ZNF623: variants seen among roughly 807,000 people sequenced by gnomAD.
The protein encoded by ZNF623 is zinc finger protein 623.
Under a neutral mutation model 24.0 loss-of-function variants are expected in ZNF623, and 16 were observed. The observed-to-expected ratio is 0.67, with a 90% CI of 0.45 to 1.01. The LOEUF (loss-of-function observed/expected upper bound fraction) is 1.01, where lower values mean the gene tolerates loss of function less well. Among genes scored for constraint, ZNF623 ranks in the 50% least tolerant of loss-of-function variants. The probability of loss-of-function intolerance (pLI) is 0.00; values close to 1 mark genes in which losing one functional copy is unlikely to be tolerated. For missense variants in ZNF623, 566 were observed against 606.5 expected (o/e 0.93, Z 0.70); for synonymous variants, 224 against 219.8 (o/e 1.02, Z -0.17).
At chr8:143,649,044 G>T (rs9650468) in intron 1 of ZNF623, among the ~76,000 whole-genome samples, 72,648 of 151,780 alleles carry the variant, frequency 0.48, 21,434 homozygotes, top group Non-Finnish European at 0.66. Flanking sequence ...TTGGGAGGCC[G>T]AGGCGGGCAG....
chr8:143,645,848 A>G (rs7821027), intron 1 of ZNF623, among the ~76,000 whole-genome samples: 78,640 of 151,922 alleles, frequency 0.52, 24,234 homozygotes, highest in East Asian at 0.84. Flanking sequence ...AGCTACCCAG[A>G]ACCGTGCATT....
At chr8:143,648,206 C>A (rs1815215364) in intron 1 of ZNF623, among the ~76,000 whole-genome samples, 1 of 152,154 alleles carries the variant, frequency 6.6e-6, no homozygotes, top group African/African-American at 2.4e-5. Context: ...GGGCTGAGCC[C>A]TAGACACGCC....
rs917569860 is a variant in ZNF623, at chr8:143,653,047, G to C, written c.*1564G>C. On this transcript the variant is annotated 3_prime_UTR_variant, in exon 2 of 2. Coordinates refer to ENST00000526926, the MANE Select transcript of ZNF623 (RefSeq NM_001261843.2). Reference sequence around the variant, plus strand: ...GCCTTACAGAAGAGGTGACATTTCAGCTGGGCCAGAGATCAGTAGAGAGCA... The same window carrying C: ...GCCTTACAGAAGAGGTGACATTTCACCTGGGCCAGAGATCAGTAGAGAGCA... The C allele has an allele frequency of 1.8e-5, 3 of 167,220 alleles. No homozygotes were observed. Among genetic ancestry groups the C allele is most frequent in the Non-Finnish European group, 4.4e-5 (3 of 68,194 alleles). The allele number at this position is 167,220 out of a possible 1,614,324, so 10.4% of individuals were successfully genotyped here. A position where few individuals can be genotyped will look rare whatever the true frequency, so the allele number is the denominator to read the frequency against.
Position 143,651,521 on chromosome 8 carries a change from A to G in ZNF623, c.*38A>G, listed in dbSNP as rs757921332. The G allele has an allele frequency of 6.6e-7, 1 of 1,525,660 alleles. No individual in the cohort carries two copies. Among genetic ancestry groups the G allele is most frequent in the South Asian group, 1.3e-5 (1 of 75,538 alleles). 94.5% of individuals were successfully genotyped at this position (1,525,660 alleles called of 1,614,324 possible). A position where few individuals can be genotyped will look rare whatever the true frequency, so the allele number is the denominator to read the frequency against. ...CCCGCCCAGTGAGTGATGTTTGGAA[A>G]TGCGTGGAATTAGGATTCATGTGGT... On this transcript the variant is annotated 3_prime_UTR_variant, in exon 2 of 2. Coordinates refer to ENST00000526926, the MANE Select transcript of ZNF623 (RefSeq NM_001261843.2).
rs1304945016 is a variant in ZNF623, at chr8:143,636,083, C to T, written c.-158C>T. 1.3e-5 allele frequency: 2 copies of T among 152,258 alleles called. No individual in the cohort carries two copies. The highest frequency in any genetic ancestry group is 2.9e-5 in the Non-Finnish European group (2 of 68,100). The allele number at this position is 152,258 out of a possible 1,614,324, so 9.4% of individuals were successfully genotyped here. On this transcript the variant is annotated 5_prime_UTR_variant, in exon 1 of 2. Transcript: ENST00000526926. The stretch of plus-strand genomic sequence containing the variant: ...GTCGGCTGATCTGTGGGGCCCGCGC[C>T]GGCGGGGTCCAGTCAGCGGCTGCAG...
At chr8:143,642,198 C>T (rs1295180807) in intron 1 of ZNF623, among the ~76,000 whole-genome samples, 1 of 152,220 alleles carries the variant, frequency 6.6e-6, no homozygotes, top group African/African-American at 2.4e-5. Flanking sequence ...TCACCTTGCA[C>T]TTCTATGTGT....
intron 1 of ZNF623, among the ~76,000 whole-genome samples, chr8:143,637,297 C>T (rs1814947190): frequency 3.3e-5 from 5 of 152,190 alleles, no homozygotes; most frequent in Admixed American, 3.3e-4. Flanking sequence ...CACTCGGTTG[C>T]CCTCTGGTTC....
chr8:143,651,133 C>T lies in ZNF623; in HGVS notation c.1141C>T (p.His381Tyr), dbSNP rs1312649597. The T allele has an allele frequency of 6.2e-7, 1 of 1,613,982 alleles. No homozygotes were observed. Among genetic ancestry groups the T allele is most frequent in the Non-Finnish European group, 8.5e-7 (1 of 1,179,968 alleles). ...AFLQKAHLTE[H>Y]QKIHSGDRPF... ...TCTCCAGAAAGCCCATCTCACTGAG[C>T]ACCAGAAGATCCACTCTGGGGACAG... Residue 381 changes from histidine to tyrosine, a missense_variant, in exon 2 of 2, where the codon CAC (histidine) becomes TAC (tyrosine). Physicochemically the swap from His to Tyr is moderately conservative, Grantham distance 83 (BLOSUM62 2). Around this residue, in one of 3 missense-constraint regions of ZNF623, gnomAD observed 117 missense variants for 174.2 expected, o/e 0.67. Transcript: ENST00000526926.
At chr8:143,645,516 T>G (rs559156259) in intron 1 of ZNF623, among the ~76,000 whole-genome samples, 54 of 152,234 alleles carry the variant, frequency 3.5e-4, no homozygotes, top group Non-Finnish European at 7.1e-4. Context: ...AAGCAGTCAC[T>G]GTTCCTTTGG....
chr8:143,649,371 A>T (rs966411485), intron 1 of ZNF623, among the ~76,000 whole-genome samples: 6 of 152,106 alleles, frequency 3.9e-5, no homozygotes, highest in Non-Finnish European at 8.8e-5. Flanking sequence ...GGGCTTTCCC[A>T]TCCAAGTATC....
intron 1 of ZNF623, among the ~76,000 whole-genome samples, chr8:143,645,121 T>C (rs999343629): frequency 4.6e-5 from 5 of 109,428 alleles, no homozygotes; most frequent in African/African-American, 1.4e-4. Flanking sequence ...AGAGCAAAAC[T>C]CCATCTCAAA....
rs200746629 is a variant in ZNF623 at position 143,651,252 on chromosome 8, G to A, written c.1260G>A (p.Val420=). The A allele has an allele frequency of 2.5e-6, 4 of 1,614,194 alleles. No individual in the cohort carries two copies. In the African/African-American group the frequency reaches 4.0e-5, roughly 16 times the overall value. ...QIIHTGEKPY[V]CSYCGKGFIQ... is the part of the protein sequence containing the mutation. ...TTCACACTGGAGAAAAGCCCTATGT[G>A]TGCAGTTATTGTGGGAAAGGCTTTA... The change falls in exon 2 of 2, where the codon GTG becomes GTA. Residue 420 remains valine, a synonymous_variant. Transcript: ENST00000526926.
At chr8:143,648,680 C>T (rs1815225700) in intron 1 of ZNF623, among the ~76,000 whole-genome samples, 1 of 151,956 alleles carries the variant, frequency 6.6e-6, no homozygotes, top group Non-Finnish European at 1.5e-5. Context: ...GGAAAGGGAG[C>T]TCACACACAA....
At chr8:143,648,486 C>A (rs1815221710) in intron 1 of ZNF623, among the ~76,000 whole-genome samples, 1 of 151,886 alleles carries the variant, frequency 6.6e-6, no homozygotes, top group African/African-American at 2.4e-5. Context: ...TTGAATGGGG[C>A]TGCGGAGGAG....
chr8:143,651,462 G>A lies in ZNF623; in HGVS notation c.1470G>A (p.Gly490=). 1 of 1,577,006 alleles carries A rather than the reference G, an allele frequency of 6.3e-7. No individual in the cohort carries two copies. Residue 490 remains glycine (G), a synonymous_variant, in exon 2 of 2, where the codon GGG becomes GGA. Coordinates refer to ENST00000526926, the MANE Select transcript of ZNF623 (RefSeq NM_001261843.2). ...TGGGTGAGAGGTCTGTAGATAAGGG[G>A]GAACACACAGGTAACTTATAAAATA... ...IHLGERSVDK[G]EHTGNL
At chr8:143,639,561 AC>A (rs1370354046) in intron 1 of ZNF623, among the ~76,000 whole-genome samples, 1 of 151,740 alleles carries the variant, frequency 6.6e-6, no homozygotes, top group Non-Finnish European at 1.5e-5. Context: ...CACCATGTTG[AC>A]CAGGCTGGTC....
intron 1 of ZNF623, among the ~76,000 whole-genome samples, chr8:143,644,511 T>C (rs9314411): frequency 0.72 from 109,651 of 151,926 alleles, 42,069 homozygotes; most frequent in Non-Finnish European, 0.86. Flanking sequence ...AAAGAGAAGG[T>C]TCTTGAGGCG....
chr8:143,650,403 ACT>A lies in ZNF623; in HGVS notation c.414_415del (p.Tyr139ArgfsTer3), dbSNP rs756731274. On this transcript the variant is annotated frameshift_variant, in exon 2 of 2. Coordinates refer to ENST00000526926, the MANE Select transcript of ZNF623 (RefSeq NM_001261843.2). LOFTEE classifies it low-confidence loss of function (END_TRUNC). The surrounding 1 kb of genome is among the most constrained non-coding windows in gnomAD (Gnocchi z 5.2). The stretch of plus-strand genomic sequence containing the variant: ...ATCAGAGAATTCACACTGGAGAGAG[ACT>A]CTACGTCTGTAATGTGTGTGGGAAA... ...EHQRIHTGER[L>X]YVCNVCGKDF... 1 of 1,613,962 alleles carries A rather than the reference ACT, an allele frequency of 6.2e-7. No individual in the cohort carries two copies.
At chr8:143,648,532 C>A (rs1409003741) in intron 1 of ZNF623, among the ~76,000 whole-genome samples, 1 of 151,880 alleles carries the variant, frequency 6.6e-6, no homozygotes, top group Non-Finnish European at 1.5e-5. Flanking sequence ...GGACATGGGG[C>A]CCATGACGTG....
Sources: gnomAD v4.1 joint callset for allele counts (sites outside exome capture counted in the v4.1 genomes callset) on GRCh38, gnomAD v4.1.1 for gene constraint, gnomAD v4.1.1 regional missense constraint, Gnocchi (gnomAD v3.1) non-coding constraint, MANE v1.5 for transcripts, NCBI Gene and HGNC (gene_info 2026-07-23, HGNC 2026-07-21) for gene names.